DTNB: variants seen among roughly 807,000 people sequenced by gnomAD.
The protein encoded by DTNB is DTN-B.
A neutral mutation model predicts 90.7 loss-of-function variants in DTNB; 63 were observed. The observed-to-expected ratio is 0.69, with a 90% confidence interval of 0.57 to 0.86. The LOEUF (loss-of-function observed/expected upper bound fraction) is 0.86. DTNB is among the 40% of genes least tolerant of loss of function. DTNB has a pLI of 0.00. For missense variants in DTNB, 744 were observed against 807.1 expected (o/e 0.92, Z 0.95); for synonymous variants, 277 against 286.7 (o/e 0.97, Z 0.34).
At chr2:25,482,398 C>T (rs764185297) in intron 10 of DTNB, among the ~76,000 whole-genome samples, 5 of 152,094 alleles carry the variant, frequency 3.3e-5, no homozygotes, top group Non-Finnish European at 7.4e-5. Flanking sequence ...ATTCAATTTA[C>T]ACAGTCTAAT....
chr2:25,600,699 T>C (rs986550688), intron 5 of DTNB, among the ~76,000 whole-genome samples: 6 of 152,192 alleles, frequency 3.9e-5, no homozygotes, highest in African/African-American at 1.4e-4. Flanking sequence ...AATATATATA[T>C]GTATAGCTTC....
chr2:25,590,269 T>A (rs1311282993), intron 6 of DTNB, among the ~76,000 whole-genome samples: 1 of 152,206 alleles, frequency 6.6e-6, no homozygotes, highest in Non-Finnish European at 1.5e-5. Context: ...TTCAGCCCTG[T>A]TTACGTTATA....
chr2:25,451,051 C>T (rs528854969), intron 12 of DTNB, among the ~76,000 whole-genome samples: 18 of 152,280 alleles, frequency 1.2e-4, no homozygotes, highest in African/African-American at 4.3e-4. Context: ...AGTGATCTGC[C>T]CGCCTCAGCC....
In DTNB at chr2:25,410,934, C is replaced by CT. The variant is rs34571788; in HGVS notation, c.1575+8580dup. On this transcript the variant is annotated intron_variant, in intron 16 of 20. Transcript: ENST00000406818. ...GTAAACAACTTAGGAACTGCCTTTT[C>CT]TTTTTTTTTTTTTTTTTTAAACCCA... Among the ~76,000 whole-genome samples, 443 of 132,504 alleles carry CT rather than the reference C, an allele frequency of 3.3e-3. 1 individual carries two copies. Among genetic ancestry groups the CT allele is most frequent in the Middle Eastern group, 7.6e-3 (2 of 264 alleles). The allele number at this position is 132,504 out of a possible 152,430, so 86.9% of individuals were successfully genotyped here. A position where few individuals can be genotyped will look rare whatever the true frequency, so the allele number is the denominator to read the frequency against.
chr2:25,641,916 G>A (rs753587390), intron 2 of DTNB, among the ~76,000 whole-genome samples: 6 of 152,160 alleles, frequency 3.9e-5, no homozygotes, highest in Non-Finnish European at 5.9e-5. Flanking sequence ...TGCCTCCCGG[G>A]TTCACGCCAT....
chr2:25,438,106 C>A (rs1375630962), intron 12 of DTNB, among the ~76,000 whole-genome samples: 4 of 152,088 alleles, frequency 2.6e-5, no homozygotes, highest in African/African-American at 9.7e-5. Context: ...ATGCAAGGCC[C>A]TGCAGCTGCT....
At chr2:25,612,043 C>A (rs1385277122) in intron 4 of DTNB, among the ~76,000 whole-genome samples, 1 of 152,126 alleles carries the variant, frequency 6.6e-6, no homozygotes, top group Non-Finnish European at 1.5e-5. Flanking sequence ...CTGTTCCATT[C>A]TTTTCACATG....
chr2:25,407,703 T>C (rs192533892), intron 16 of DTNB, among the ~76,000 whole-genome samples: 4 of 152,312 alleles, frequency 2.6e-5, no homozygotes, highest in African/African-American at 9.6e-5. Flanking sequence ...TTCTCACTTA[T>C]AAGTGGGAGC....
At chr2:25,431,962 T>A (rs2054002330) in intron 14 of DTNB, among the ~76,000 whole-genome samples, 2 of 152,168 alleles carry the variant, frequency 1.3e-5, no homozygotes, top group Non-Finnish European at 2.9e-5. Flanking sequence ...CTGCACAGTT[T>A]AAATTCTTTA....
chr2:25,634,433 G>A (rs1302856298), intron 3 of DTNB, among the ~76,000 whole-genome samples: 27 of 148,328 alleles, frequency 1.8e-4, no homozygotes, highest in Non-Finnish European at 1.1e-4. Context: ...GGAGGGAGGT[G>A]GGGGGGTCAG....
chr2:25,526,395 A>ATATATATATATATAT, intron 9 of DTNB, among the ~76,000 whole-genome samples: 7 of 49,830 alleles, frequency 1.4e-4, no homozygotes, highest in East Asian at 7.6e-4. Flanking sequence ...ATATATATAT[A>ATATATATATATATAT]TTTTTTTTTT....
intron 16 of DTNB, among the ~76,000 whole-genome samples, chr2:25,401,777 T>C (rs2043789012): frequency 6.6e-6 from 1 of 152,214 alleles, no homozygotes; most frequent in Non-Finnish European, 1.5e-5. Flanking sequence ...CACACGCAAC[T>C]ACAACTTGGA....
intron 9 of DTNB, among the ~76,000 whole-genome samples, chr2:25,493,078 T>C (rs925363550): frequency 5.9e-5 from 9 of 152,320 alleles, no homozygotes; most frequent in African/African-American, 1.4e-4. Context: ...TTAAGATCAG[T>C]GTCCTGCAAT....
intron 2 of DTNB, among the ~76,000 whole-genome samples, chr2:25,643,756 C>G (rs986985524): frequency 6.6e-6 from 1 of 152,168 alleles, no homozygotes; most frequent in African/African-American, 2.4e-5. Context: ...TCTAATCTGT[C>G]AGAGGTATTT....
chr2:25,632,826 A>T (rs189884243), intron 3 of DTNB, among the ~76,000 whole-genome samples: 3 of 152,378 alleles, frequency 2.0e-5, no homozygotes. Context: ...GACAAATGTT[A>T]TCTACAAAGG....
At chr2:25,382,055 T>C (rs1242072668) in intron 19 of DTNB, among the ~76,000 whole-genome samples, 2 of 152,254 alleles carry the variant, frequency 1.3e-5, no homozygotes, top group Admixed American at 6.5e-5. Context: ...GACTAAACCA[T>C]GGGCATTGGA....
intron 4 of DTNB, among the ~76,000 whole-genome samples, chr2:25,615,967 T>C (rs935876651): frequency 3.3e-5 from 5 of 152,232 alleles, no homozygotes; most frequent in Non-Finnish European, 7.3e-5. Flanking sequence ...ACCACCAACA[T>C]AGAGCTTTGA....
intron 19 of DTNB, 149 bp from the exon 20 acceptor site, chr2:25,379,472 G>T: frequency 9.9e-7 from 1 of 1,009,330 alleles, no homozygotes. Context: ...TCCCACCCAG[G>T]TATGACAGCA....
intron 6 of DTNB, among the ~76,000 whole-genome samples, chr2:25,585,853 T>C (rs1289547949): frequency 6.6e-6 from 1 of 152,202 alleles, no homozygotes; most frequent in Admixed American, 6.5e-5. Flanking sequence ...TTAATCAGAG[T>C]TACAGAGTTG....
Sources: allele counts gnomAD v4.1 joint callset (sites outside exome capture counted in the v4.1 genomes callset), GRCh38; gene constraint gnomAD v4.1.1; transcripts MANE v1.5; gene names NCBI Gene and HGNC (gene_info 2026-07-23, HGNC 2026-07-21).